Variants in TAF1 observed in about 807,000 individuals in gnomAD.
TAF1 encodes the protein transcription initiation factor TFIID subunit 1.
A neutral mutation model predicts 138.5 loss-of-function variants in TAF1; 2 were observed. The observed-to-expected ratio is 0.01, with a 90% confidence interval of 0.01 to 0.05. The LOEUF (loss-of-function observed/expected upper bound fraction) is 0.05. Ranked by LOEUF, TAF1 falls within the 10% of genes least tolerant of loss-of-function variation. The probability of loss-of-function intolerance (pLI) is 1.00; values close to 1 mark genes in which losing one functional copy is unlikely to be tolerated. For missense variants in TAF1, 709 were observed against 1,478.0 expected, an observed-to-expected ratio of 0.48 and a Z score of 8.53; for synonymous variants, 437 against 503.2, an observed-to-expected ratio of 0.87 and a Z score of 1.76.
At position 71,366,464 on chromosome X, in the gene TAF1, G is replaced by C; in HGVS notation, c.90G>C (p.Gly30=). The change falls in exon 1 of 38, where the codon GGG becomes GGC. Residue 30 remains glycine (G), a synonymous_variant. Coordinates refer to ENST00000423759, the MANE Select transcript of TAF1 (RefSeq NM_004606.5). ...GFLFGNINGA[G]QLEGESVLDD... ...TTTTCGGCAACATCAATGGAGCCGG[G>C]CAGCTGGAGGGGGAAAGCGTCTTGG... 1 of 1,187,250 alleles carries C rather than the reference G, an allele frequency of 8.4e-7. No homozygotes were observed. Among genetic ancestry groups the C allele is most frequent in the Non-Finnish European group, 1.1e-6 (1 of 883,034 alleles).
chrX:71,422,472 C>A (rs1191800463), intron 29 of TAF1, among the ~76,000 whole-genome samples: 1 of 107,792 alleles, frequency 9.3e-6, no homozygotes, highest in Non-Finnish European at 1.9e-5. Context: ...TGTGCCACCA[C>A]GCCCAGCTAA....
At chrX:71,401,838 G>T in intron 25 of TAF1, 99 bp downstream of exon 25, 1 of 789,843 alleles carries the variant, frequency 1.3e-6, no homozygotes, top group Non-Finnish European at 1.9e-6. Flanking sequence ...CTCTGAAGTG[G>T]AACTGAAGGA....
At chrX:71,506,701 CA>C (rs770560479) in intron 13 of TAF1, among the ~76,000 whole-genome samples, 636 of 63,411 alleles carry the variant, frequency 0.01, 1 homozygote, top group African/African-American at 0.02. Flanking sequence ...GACCCTGTCT[CA>C]AAAAAAAAAA....
intron 13 of TAF1, 46 bp downstream of exon 13, chrX:71,384,181 T>C (rs747921115): frequency 8.5e-7 from 1 of 1,179,625 alleles, no homozygotes; most frequent in South Asian, 1.9e-5. Context: ...TAATTCTGCT[T>C]ATGCTTCCAT....
At chrX:71,369,217 G>A (rs148220767) in intron 3 of TAF1, among the ~76,000 whole-genome samples, 64 of 111,036 alleles carry the variant, frequency 5.8e-4, no homozygotes, top group East Asian at 3.2e-3. Context: ...GATTGGTTTC[G>A]AACTCCTTAC....
intron 13 of TAF1, chrX:71,491,043 G>GTTTTTTTTTT (rs1187463669): frequency 1.5e-4 from 7 of 45,716 alleles, no homozygotes; most frequent in Admixed American, 2.7e-4. Flanking sequence ...TGTTGTTGTT[G>GTTTTTTTTTT]TTTTTTTTTT....
At chrX:71,388,523 G>A in intron 16 of TAF1, 145 bp downstream of exon 16, 1 of 980,010 alleles carries the variant, frequency 1.0e-6, no homozygotes, top group Non-Finnish European at 1.4e-6. Flanking sequence ...CACTCTGGTT[G>A]CTTTTTTGAA....
At chrX:71,392,427 T>G in intron 18 of TAF1, 142 bp from the exon 19 acceptor site, 1 of 782,275 alleles carries the variant, frequency 1.3e-6, no homozygotes, top group African/African-American at 2.1e-5. Context: ...GTGGACAGTT[T>G]AAGAGAGCAT....
chrX:71,524,774 C>A (rs972838032), intron 13 of TAF1, among the ~76,000 whole-genome samples: 4 of 109,233 alleles, frequency 3.7e-5, no homozygotes, highest in Non-Finnish European at 7.6e-5. Context: ...AACCCCATCT[C>A]TACTAAAAAT....
rs1047585889 is a variant in TAF1 at position 71,382,744 on chromosome X, T to G, written c.1666-17T>G. 4 of 1,203,365 alleles carry G rather than the reference T, an allele frequency of 3.3e-6. No homozygotes were observed. The African/African-American group carries it at 5.3e-5, about 16-fold the overall frequency. On this transcript the variant is annotated splice_polypyrimidine_tract_variant and intron_variant, in intron 10 of 37. Transcript: ENST00000423759. The stretch of plus-strand genomic sequence containing the variant: ...AAGGATAGTCTGACCGAGATTTGTT[T>G]GATTATCTATCATTAGAACATGTCT...
chrX:71,370,302 G>C (rs1317662475), intron 3 of TAF1, among the ~76,000 whole-genome samples: 1 of 111,131 alleles, frequency 9.0e-6, no homozygotes, highest in Non-Finnish European at 1.9e-5. Flanking sequence ...TTGGTCCATA[G>C]TTCATTTTTG....
At chrX:71,393,989 T>C in intron 21 of TAF1, 78 bp from the exon 22 acceptor site, 1 of 1,043,010 alleles carries the variant, frequency 9.6e-7, no homozygotes, top group Non-Finnish European at 1.3e-6. Flanking sequence ...CTTTTTAAGG[T>C]TGATTTCCCA....
chrX:71,432,821 T>TA (rs2036955196), intron 32 of TAF1, among the ~76,000 whole-genome samples: 1 of 112,033 alleles, frequency 8.9e-6, no homozygotes, highest in African/African-American at 3.2e-5. Flanking sequence ...TGTTTTATCT[T>TA]AAAAATGTGT....
intron 32 of TAF1, among the ~76,000 whole-genome samples, chrX:71,440,598 A>G (rs763272460): frequency 4.6e-5 from 5 of 109,614 alleles, no homozygotes; most frequent in East Asian, 2.9e-4. Flanking sequence ...TGAAAACCCA[A>G]TGTCGTCACA....
At chrX:71,448,424 G>A (rs1440208063) in intron 32 of TAF1, among the ~76,000 whole-genome samples, 1 of 111,862 alleles carries the variant, frequency 8.9e-6, no homozygotes, top group Non-Finnish European at 1.9e-5. Context: ...GAAAAACTAA[G>A]GCTGTTCTGC....
intron 32 of TAF1, among the ~76,000 whole-genome samples, chrX:71,453,090 A>G (rs1056893613): frequency 1.0e-4 from 11 of 109,911 alleles, no homozygotes; most frequent in Admixed American, 9.7e-5. Flanking sequence ...GACGGGAGAG[A>G]GAGAGGGAGA....
At chrX:71,472,826 C>T (rs759113360) in intron 13 of TAF1, among the ~76,000 whole-genome samples, 1 of 112,197 alleles carries the variant, frequency 8.9e-6, no homozygotes, top group East Asian at 2.8e-4. Context: ...CCTTCCCTAC[C>T]CCTTCCCTTT....
chrX:71,460,933 A>G (rs2038525592), intron 37 of TAF1, 130 bp downstream of exon 37: 1 of 953,318 alleles, frequency 1.0e-6, no homozygotes, highest in Admixed American at 2.7e-5. Context: ...GCACTGTGCT[A>G]GGCTCTGGGG....
At chrX:71,528,809 G>A (rs1353069564) in intron 14 of TAF1, 1 of 265,492 alleles carries the variant, frequency 3.8e-6, no homozygotes, top group Non-Finnish European at 7.2e-6. Context: ...AAAGAACAAA[G>A]CTTCCATAGC....
Sources: allele counts gnomAD v4.1 joint callset (sites outside exome capture counted in the v4.1 genomes callset), GRCh38; gene constraint gnomAD v4.1.1; transcripts MANE v1.5; gene names NCBI Gene and HGNC (gene_info 2026-07-23, HGNC 2026-07-21).